ATXN1: variants seen among roughly 807,000 people sequenced by gnomAD.
The protein encoded by ATXN1 is ataxin-1.
Under a neutral mutation model 56.4 loss-of-function variants are expected in ATXN1, and 8 were observed. That is an observed-to-expected ratio of 0.14 (90% CI 0.08 to 0.26). ATXN1 has a LOEUF of 0.26. Ranked by LOEUF, ATXN1 falls within the 10% of genes least tolerant of loss-of-function variation. The pLI is 1.00. For missense variants in ATXN1, 987 were observed against 1,106.5 expected, an observed-to-expected ratio of 0.89 and a Z score of 1.53; for synonymous variants, 514 against 494.6, an observed-to-expected ratio of 1.04 and a Z score of -0.52.
chr6:16,659,042 C>T (rs1365036170), intron 2 of ATXN1, among the ~76,000 whole-genome samples: 2 of 151,976 alleles, frequency 1.3e-5, no homozygotes, highest in Admixed American at 6.5e-5. Flanking sequence ...TTTTTCGGGA[C>T]GTTTGAGGAG....
At chr6:16,320,408 G>A (rs189393612) in intron 7 of ATXN1, among the ~76,000 whole-genome samples, 1 of 150,120 alleles carries the variant, frequency 6.7e-6, no homozygotes, top group African/African-American at 2.5e-5. Flanking sequence ...CTCGGGAGGC[G>A]CTGGGAAGCG....
At chr6:16,446,512 T>G (rs1369936278) in intron 6 of ATXN1, among the ~76,000 whole-genome samples, 1 of 152,236 alleles carries the variant, frequency 6.6e-6, no homozygotes, top group East Asian at 1.9e-4. Context: ...CAACCCCAGA[T>G]TTGTGAATCA....
Position 16,566,575 on chromosome 6 carries a change from T to C in ATXN1, c.-361+19205A>G, listed in dbSNP as rs555833747. The stretch of plus-strand genomic sequence containing the variant: ...CAAACAAACAAACAAACAAACAGGC[T>C]GGGCGCGGTGGCTCACGACTGTAAT... On this transcript the variant is annotated intron_variant, in intron 4 of 7. Coordinates refer to ENST00000436367, the MANE Select transcript of ATXN1 (RefSeq NM_001128164.2). Among the ~76,000 whole-genome samples, 408 of 151,888 alleles carry C rather than the reference T, an allele frequency of 2.7e-3. 1 individual carries two copies. Among genetic ancestry groups the C allele is most frequent in the African/African-American group, 7.7e-3 (319 of 41,370 alleles).
chr6:16,437,380 A>G lies in ATXN1; in HGVS notation c.-161+48592T>C, dbSNP rs1759416760. On this transcript the variant is annotated intron_variant, in intron 6 of 7. Coordinates refer to ENST00000436367, the MANE Select transcript of ATXN1 (RefSeq NM_001128164.2). ...AGTTCCATCCACTGGCAAACCCAAA[A>G]GCTACACATGTCTACATGGGAAGGG... 2.0e-5 allele frequency among the ~76,000 whole-genome samples: 3 copies of G among 152,166 alleles called. No homozygotes were observed. In the South Asian group the frequency reaches 6.2e-4, roughly 32 times the overall value.
intron 5 of ATXN1, among the ~76,000 whole-genome samples, chr6:16,514,784 C>T (rs1761147917): frequency 2.0e-5 from 3 of 151,926 alleles, no homozygotes; most frequent in African/African-American, 7.3e-5. Context: ...GAGATCGAGA[C>T]CAGCCTGGCC....
chr6:16,651,508 C>T lies in ATXN1; in HGVS notation c.-489+6268G>A, dbSNP rs551417536. On this transcript the variant is annotated intron_variant, in intron 3 of 7. Transcript: ENST00000436367. ...GCAGTAAGCTGAGATGGTGCCACTGCACTCCAGCGTGGGTGACAGAGAGAG... is the reference window on the plus strand; with the variant it reads ...GCAGTAAGCTGAGATGGTGCCACTGTACTCCAGCGTGGGTGACAGAGAGAG... Among the ~76,000 whole-genome samples the T allele has an allele frequency of 2.3e-4, 34 of 150,048 alleles. No individual in the cohort carries two copies. The East Asian group carries it at 6.4e-3, about 28-fold the overall frequency.
intron 3 of ATXN1, among the ~76,000 whole-genome samples, chr6:16,622,705 T>C (rs962960361): frequency 6.6e-6 from 1 of 152,178 alleles, no homozygotes; most frequent in Non-Finnish European, 1.5e-5. Flanking sequence ...AGCCTGCCAG[T>C]AGTGTGTATG....
At chr6:16,657,285 C>G (rs1320262615) in intron 3 of ATXN1, among the ~76,000 whole-genome samples, 1 of 152,188 alleles carries the variant, frequency 6.6e-6, no homozygotes, top group African/African-American at 2.4e-5. Flanking sequence ...CCACACCCAG[C>G]CCAGTATTAT....
At chr6:16,465,751 G>T (rs769072988) in intron 6 of ATXN1, among the ~76,000 whole-genome samples, 1 of 152,084 alleles carries the variant, frequency 6.6e-6, no homozygotes, top group East Asian at 1.9e-4. Context: ...TGATTAGGAG[G>T]TTAAAATGAA....
Position 16,328,446 on chromosome 6 carries a change from A to G in ATXN1, c.-136T>C. ...TGAGGAATCATCTCCCCGTGGGTAC[A>G]ATCCGCCAACAGCAGCTCTGGATGC... On this transcript the variant is annotated 5_prime_UTR_variant, in exon 7 of 8. Transcript: ENST00000436367. This position sits in a 1 kb window ranked among gnomAD's most constrained non-coding sequence, Gnocchi z 6.2. The G allele has an allele frequency of 3.0e-6, 4 of 1,314,288 alleles. No individual in the cohort carries two copies. Among genetic ancestry groups the G allele is most frequent in the Non-Finnish European group, 3.9e-6 (4 of 1,031,252 alleles). The allele number at this position is 1,314,288 out of a possible 1,614,324, so 81.4% of individuals were successfully genotyped here. A position where few individuals can be genotyped will look rare whatever the true frequency, so the allele number is the denominator to read the frequency against.
At chr6:16,572,751 A>G (rs1762354879) in intron 4 of ATXN1, among the ~76,000 whole-genome samples, 1 of 152,196 alleles carries the variant, frequency 6.6e-6, no homozygotes, top group Admixed American at 6.5e-5. Flanking sequence ...TTGAAAAGAC[A>G]TGGTACCTGA....
intron 5 of ATXN1, among the ~76,000 whole-genome samples, chr6:16,513,580 A>G (rs969598290): frequency 1.3e-5 from 2 of 152,180 alleles, no homozygotes; most frequent in Non-Finnish European, 2.9e-5. Context: ...CTTACTCACA[A>G]ATCAATCTAA....
At chr6:16,753,489 G>A (rs927355728) in intron 1 of ATXN1, 142 bp from the exon 2 acceptor site, 1 of 389,742 alleles carries the variant, frequency 2.6e-6, no homozygotes, top group South Asian at 1.9e-5. Flanking sequence ...TGTTGTATGA[G>A]AATTACACAG....
Position 16,410,206 on chromosome 6 carries a change from C to T in ATXN1, c.-161+75766G>A, listed in dbSNP as rs1758769144. Reference sequence around the variant, plus strand: ...CAGCATCTAGCGGCCCTCCTTCCCCCTTACTATGACTTCCAATTTTGAAAT... The same window carrying T: ...CAGCATCTAGCGGCCCTCCTTCCCCTTTACTATGACTTCCAATTTTGAAAT... On this transcript the variant is annotated intron_variant, in intron 6 of 7. Coordinates refer to ENST00000436367, the MANE Select transcript of ATXN1 (RefSeq NM_001128164.2). This position sits in a 1 kb window ranked among gnomAD's most constrained non-coding sequence, Gnocchi z 4.6. Among the ~76,000 whole-genome samples the T allele has an allele frequency of 6.6e-6, 1 of 152,218 alleles. No homozygotes were observed. The highest frequency in any genetic ancestry group is 1.5e-5 in the Non-Finnish European group (1 of 68,036).
intron 6 of ATXN1, among the ~76,000 whole-genome samples, chr6:16,347,024 G>C (rs1006690641): frequency 6.6e-6 from 1 of 152,256 alleles, no homozygotes; most frequent in African/African-American, 2.4e-5. Flanking sequence ...CTTAGCAGTT[G>C]GGCCAGCAGC....
At chr6:16,572,572 T>C (rs1033497369) in intron 4 of ATXN1, among the ~76,000 whole-genome samples, 1 of 152,038 alleles carries the variant, frequency 6.6e-6, no homozygotes, top group Non-Finnish European at 1.5e-5. Context: ...TCTTGAGTAA[T>C]AAGTGGAAAT....
intron 6 of ATXN1, among the ~76,000 whole-genome samples, chr6:16,350,408 T>C (rs537334048): frequency 6.6e-6 from 1 of 152,358 alleles, no homozygotes; most frequent in African/African-American, 2.4e-5. Context: ...TCCACTTGGA[T>C]GCTTACCACC....
intron 5 of ATXN1, among the ~76,000 whole-genome samples, chr6:16,491,538 C>T (rs1372017975): frequency 6.6e-5 from 10 of 151,750 alleles, no homozygotes; most frequent in African/African-American, 2.2e-4. Flanking sequence ...CTCAAGTGAT[C>T]CACCTGCCTC....
rs931219767 is a variant in ATXN1 at position 16,506,649 on chromosome 6, T to G, written c.-299+15978A>C. ...ATGAGTTAATGTTGGTAAATCACTCTGCAATTCCCAGGTCAAAGATGTGAA... is the reference window on the plus strand; with the variant it reads ...ATGAGTTAATGTTGGTAAATCACTCGGCAATTCCCAGGTCAAAGATGTGAA... On this transcript the variant is annotated intron_variant, in intron 5 of 7. Transcript: ENST00000436367. The surrounding 1 kb of genome is among the most constrained non-coding windows in gnomAD (Gnocchi z 4.1). Among the ~76,000 whole-genome samples the G allele has an allele frequency of 4.6e-5, 7 of 152,216 alleles. No homozygotes were observed. The highest frequency in any genetic ancestry group is 1.7e-4 in the African/African-American group (7 of 41,454).
Sources: gnomAD v4.1 joint callset for allele counts (sites outside exome capture counted in the v4.1 genomes callset) on GRCh38, gnomAD v4.1.1 for gene constraint, Gnocchi (gnomAD v3.1) non-coding constraint, MANE v1.5 for transcripts, NCBI Gene and HGNC (gene_info 2026-07-23, HGNC 2026-07-21) for gene names.